CHAF1B: variants seen among roughly 807,000 people sequenced by gnomAD.
CHAF1B encodes the protein chromatin assembly factor 1 subunit B, also known as CAF-1 subunit B.
A neutral mutation model predicts 60.7 loss-of-function variants in CHAF1B; 10 were observed. The ratio of observed to expected loss-of-function variants is 0.16; its 90% CI spans 0.10 to 0.28. CHAF1B has a LOEUF of 0.28. CHAF1B is among the 10% of genes least tolerant of loss of function. The probability of loss-of-function intolerance (pLI) is 1.00; values close to 1 mark genes in which losing one functional copy is unlikely to be tolerated. For synonymous variants in CHAF1B, 261 were observed against 266.1 expected (o/e 0.98, Z 0.19); for missense variants, 558 against 708.4 (o/e 0.79, Z 2.41).
At chr21:36,412,762 T>C (rs1309460079) in intron 11 of CHAF1B, 122 bp from the exon 12 acceptor site, 2 of 861,146 alleles carry the variant, frequency 2.3e-6, no homozygotes, top group East Asian at 5.2e-5. Context: ...TCTTTTCCAG[T>C]TGTATCTTTT....
chr21:36,394,443 C>T lies in CHAF1B; in HGVS notation c.378-104C>T, dbSNP rs1601559078. The T allele has an allele frequency of 9.5e-6, 7 of 738,388 alleles. No homozygotes were observed. The East Asian group carries it at 1.8e-4, about 19-fold the overall frequency. 45.7% of individuals were successfully genotyped at this position (738,388 alleles called of 1,614,324 possible). A position where few individuals can be genotyped will look rare whatever the true frequency, so the allele number is the denominator to read the frequency against. ...CAGGCTGGCCTTGAACTCCTGACCA[C>T]AGGCAGTCTGTCTACCTTGGCCTCC... On this transcript the variant is annotated intron_variant, in intron 4 of 13. Coordinates refer to ENST00000314103, the MANE Select transcript of CHAF1B (RefSeq NM_005441.3).
At chr21:36,391,870 C>G (rs993469075) in intron 4 of CHAF1B, among the ~76,000 whole-genome samples, 3 of 144,772 alleles carry the variant, frequency 2.1e-5, no homozygotes, top group Non-Finnish European at 4.5e-5. Context: ...ATAGCTGGGA[C>G]TACAGGTGCA....
At chr21:36,399,725 C>CA (rs1371884890) in intron 7 of CHAF1B, 120 bp downstream of exon 7, 1 of 765,962 alleles carries the variant, frequency 1.3e-6, no homozygotes, top group Non-Finnish European at 2.2e-6. Context: ...TCCAGAACTA[C>CA]AATAAGGCTT....
chr21:36,386,355 G>T (rs951094848), intron 2 of CHAF1B, 93 bp downstream of exon 2: 1 of 1,486,720 alleles, frequency 6.7e-7, no homozygotes, highest in Non-Finnish European at 9.1e-7. Flanking sequence ...GGGCGCGGTG[G>T]CTTACGCCTG....
chr21:36,414,785 G>C (rs1470083314), intron 12 of CHAF1B, among the ~76,000 whole-genome samples: 1 of 151,988 alleles, frequency 6.6e-6, no homozygotes, highest in Non-Finnish European at 1.5e-5. Flanking sequence ...CTGACTTTTT[G>C]CATTTTTAGT....
chr21:36,418,900 G>A lies in CHAF1B; in HGVS notation c.*2534G>A, dbSNP rs2086336597. ...GAACAGTATTAGGTTTTACAAATCT[G>A]TTTCTTGTGCATTGATTGTGGGAGT... On this transcript the variant is annotated 3_prime_UTR_variant, in exon 14 of 14. Transcript: ENST00000314103. The A allele has an allele frequency of 6.6e-6, 1 of 151,762 alleles. No individual in the cohort carries two copies. The highest frequency in any genetic ancestry group is 2.1e-4 in the South Asian group (1 of 4,830). 9.4% of individuals were successfully genotyped at this position (151,762 alleles called of 1,614,324 possible).
chr21:36,389,513 G>A (rs114918192), intron 3 of CHAF1B, among the ~76,000 whole-genome samples: 4,620 of 151,312 alleles, frequency 0.031, 100 homozygotes, highest in Admixed American at 0.046. Context: ...GGCTGAGGTG[G>A]AGAATCGCTG....
chr21:36,413,501 A>G lies in CHAF1B; in HGVS notation c.1493+186A>G, dbSNP rs79169278. Among the ~76,000 whole-genome samples, 843 of 152,272 alleles carry G rather than the reference A, an allele frequency of 5.5e-3. 11 individuals carry two copies. The highest frequency in any genetic ancestry group is 0.019 in the African/African-American group (783 of 41,560). Reference sequence around the variant, plus strand: ...CATATAGGCCTCTGTTTGTTCCTCCAGTTTCTGCCTGTCAGATAAAGCCCA... The same window carrying G: ...CATATAGGCCTCTGTTTGTTCCTCCGGTTTCTGCCTGTCAGATAAAGCCCA... On this transcript the variant is annotated intron_variant, in intron 12 of 13. Coordinates refer to ENST00000314103, the MANE Select transcript of CHAF1B (RefSeq NM_005441.3).
intron 11 of CHAF1B, among the ~76,000 whole-genome samples, chr21:36,411,944 G>A (rs1364691601): frequency 1.3e-5 from 2 of 152,040 alleles, no homozygotes; most frequent in Non-Finnish European, 2.9e-5. Flanking sequence ...GGCCAGGCTG[G>A]TATCAAACTC....
chr21:36,408,721 G>GT, intron 8 of CHAF1B, 40 bp from the exon 9 acceptor site: 1 of 1,457,450 alleles, frequency 6.9e-7, no homozygotes, highest in Non-Finnish European at 9.6e-7. Context: ...TGCTGAAACA[G>GT]TGACTTTTCT....
chr21:36,397,574 A>T (rs1287669964), intron 6 of CHAF1B, 63 bp downstream of exon 6: 40 of 895,784 alleles, frequency 4.5e-5, no homozygotes, highest in Non-Finnish European at 6.2e-5. Flanking sequence ...TTCTGAAGAG[A>T]GGTATTTATC....
intron 8 of CHAF1B, among the ~76,000 whole-genome samples, chr21:36,403,064 G>A (rs2086204944): frequency 1.3e-5 from 2 of 152,148 alleles, no homozygotes; most frequent in African/African-American, 4.8e-5. Flanking sequence ...GGTCTGGGTG[G>A]CCTGGCTTTT....
At chr21:36,407,015 A>C (rs2086242723) in intron 8 of CHAF1B, among the ~76,000 whole-genome samples, 1 of 152,210 alleles carries the variant, frequency 6.6e-6, no homozygotes, top group Non-Finnish European at 1.5e-5. Context: ...TTAAGACTGG[A>C]AACTGGCTGG....
At chr21:36,392,504 G>A (rs977501197) in intron 4 of CHAF1B, among the ~76,000 whole-genome samples, 2 of 151,036 alleles carry the variant, frequency 1.3e-5, no homozygotes, top group African/African-American at 2.4e-5. Flanking sequence ...GGGCGGCCGG[G>A]CAGAGGCGCC....
intron 8 of CHAF1B, among the ~76,000 whole-genome samples, chr21:36,405,825 G>A (rs2086233948): frequency 6.6e-6 from 1 of 152,118 alleles, no homozygotes; most frequent in South Asian, 2.1e-4. Context: ...CAAATGGAAA[G>A]ATATGTCGTG....
chr21:36,398,609 G>T (rs140838659), intron 6 of CHAF1B, among the ~76,000 whole-genome samples: 4 of 151,952 alleles, frequency 2.6e-5, no homozygotes, highest in Non-Finnish European at 5.9e-5. Context: ...ACCTGCCTGC[G>T]TTGGCCTCCC....
chr21:36,406,183 A>G (rs922128833), intron 8 of CHAF1B, among the ~76,000 whole-genome samples: 1 of 152,228 alleles, frequency 6.6e-6, no homozygotes, highest in African/African-American at 2.4e-5. Flanking sequence ...TTTGTAATTA[A>G]TTGTATGTTA....
chr21:36,390,776 C>T (rs1391474652), intron 3 of CHAF1B, among the ~76,000 whole-genome samples: 1 of 152,144 alleles, frequency 6.6e-6, no homozygotes, highest in Non-Finnish European at 1.5e-5. Flanking sequence ...CCACCTCAGC[C>T]TCCTGCGTAG....
rs377266252 is a variant in CHAF1B, at chr21:36,416,298, A to C, written c.1612A>C (p.Ser538Arg). The change falls in exon 14 of 14, where the codon AGT becomes CGT. Residue 538 changes from serine to arginine, a missense_variant. Physicochemically the swap from Ser to Arg is moderately radical, Grantham distance 110. This residue lies in a region of CHAF1B where 233 missense variants were observed against 214.9 expected (regional missense o/e 1.08). Transcript: ENST00000314103. ...AGAGACGCCTGGAGACGCTCAGGGC[A>C]GTCCCCCAGAGCTAAAGCGGCCCAG... ...QSETPGDAQG[S>R]PPELKRPRLD... 6.8e-6 allele frequency: 11 copies of C among 1,614,076 alleles called. No individual in the cohort carries two copies. The highest frequency in any genetic ancestry group is 9.3e-6 in the Non-Finnish European group (11 of 1,179,942).
Sources: gnomAD v4.1 joint callset for allele counts (sites outside exome capture counted in the v4.1 genomes callset) on GRCh38, gnomAD v4.1.1 for gene constraint, gnomAD v4.1.1 regional missense constraint, MANE v1.5 for transcripts, NCBI Gene and HGNC (gene_info 2026-07-23, HGNC 2026-07-21) for gene names.